Variants in USP11 observed in about 807,000 individuals in gnomAD.
The protein encoded by USP11 is ubiquitin specific peptidase 11, also known as ubiquitin carboxyl-terminal hydrolase 11.
USP11 carries 5 observed loss-of-function variants against 72.8 expected under a neutral mutation model. That is an observed-to-expected ratio of 0.07 (90% CI 0.04 to 0.14). The LOEUF (loss-of-function observed/expected upper bound fraction) is 0.14. USP11 is among the 10% of genes least tolerant of loss of function. The pLI is 1.00. For synonymous variants in USP11, 368 were observed against 326.5 expected, an observed-to-expected ratio of 1.13 and a Z score of -1.37; for missense variants, 480 against 794.7, an observed-to-expected ratio of 0.60 and a Z score of 4.76.
rs1426948196 is a variant in USP11, at chrX:47,248,248, G to C, written c.*318G>C. ...CGTGGGTGGTGATGGGGGTTCACCT[G>C]AACACAGAGTGTATTTTCTTATTGA... On this transcript the variant is annotated 3_prime_UTR_variant, in exon 21 of 21. Coordinates refer to ENST00000377107, the MANE Select transcript of USP11 (RefSeq NM_001371072.1). 3.7e-6 allele frequency: 1 copy of C among 267,906 alleles called. No individual in the cohort carries two copies. The highest frequency in any genetic ancestry group is 7.8e-5 in the East Asian group (1 of 12,839). The allele number at this position is 267,906 out of a possible 1,213,427, so 22.1% of individuals were successfully genotyped here. A position where few individuals can be genotyped will look rare whatever the true frequency, so the allele number is the denominator to read the frequency against.
chrX:47,239,983 G>A (rs1014230688), intron 4 of USP11, 76 bp downstream of exon 4: 19 of 1,030,014 alleles, frequency 1.8e-5, no homozygotes, highest in Non-Finnish European at 2.6e-5. Flanking sequence ...GTTGCATAGG[G>A]TTAAGCTGAA....
chrX:47,247,921 T>A lies in USP11; in HGVS notation c.2754T>A (p.Asp918Glu). 8.5e-7 allele frequency: 1 copy of A among 1,183,147 alleles called. No homozygotes were observed. Among genetic ancestry groups the A allele is most frequent in the East Asian group, 3.0e-5 (1 of 33,106 alleles). ...CSSPPSSEFM[D>E]VN ...CCCCACCCAGCTCTGAGTTCATGGATGTTAATTGAGAGCCCTGGGTCCTGC... is the reference window on the plus strand; with the variant it reads ...CCCCACCCAGCTCTGAGTTCATGGAAGTTAATTGAGAGCCCTGGGTCCTGC... The change falls in exon 21 of 21, where the codon GAT (aspartate) becomes GAA (glutamate). Residue 918 changes from aspartate (D) to glutamate (E), a missense_variant. Asp to Glu is a conservative substitution (Grantham distance 45). Coordinates refer to ENST00000377107, the MANE Select transcript of USP11 (RefSeq NM_001371072.1).
At position 47,241,676 on chromosome X, in the gene USP11, G is replaced by C; in HGVS notation, c.1156G>C (p.Asp386His). ...VKKKEYVELC[D>H]AAGRPDQEVA... The stretch of plus-strand genomic sequence containing the variant: ...GAAGAAGGAGTATGTGGAGCTGTGC[G>C]ATGCTGCTGGGCGACCGGATCAGGT... Residue 386 changes from aspartate (D) to histidine (H), a missense_variant, in exon 9 of 21, where the codon GAT becomes CAT. By Grantham distance (81) the Asp-to-His change is moderately conservative. Transcript: ENST00000377107. 1 of 1,201,087 alleles carries C rather than the reference G, an allele frequency of 8.3e-7. No individual in the cohort carries two copies. The highest frequency in any genetic ancestry group is 1.7e-5 in the African/African-American group (1 of 57,551).
chrX:47,234,011 G>T (rs2055359871), intron 1 of USP11: 1 of 111,769 alleles, frequency 8.9e-6, no homozygotes, highest in Non-Finnish European at 1.9e-5. Context: ...TTAAAAAATA[G>T]AATTTTGATA....
In USP11 at chrX:47,248,016, G is replaced by C; in HGVS notation, c.*86G>C. The C allele has an allele frequency of 9.1e-7, 1 of 1,098,921 alleles. No homozygotes were observed. The allele number at this position is 1,098,921 out of a possible 1,213,427, so 90.6% of individuals were successfully genotyped here. ...CGTGTCCGCCCCGCTTCTCTTATTCGTGTTAGGTGCCCCCGCCAGGCATTG... is the reference window on the plus strand; with the variant it reads ...CGTGTCCGCCCCGCTTCTCTTATTCCTGTTAGGTGCCCCCGCCAGGCATTG... On this transcript the variant is annotated 3_prime_UTR_variant, in exon 21 of 21. Coordinates refer to ENST00000377107, the MANE Select transcript of USP11 (RefSeq NM_001371072.1).
chrX:47,237,786 A>G (rs6521185), intron 1 of USP11, among the ~76,000 whole-genome samples: 5,048 of 38,338 alleles, frequency 0.13, 371 homozygotes, highest in African/African-American at 0.25. Context: ...GTGTGTGTGT[A>G]TGTGTGTGTG....
At chrX:47,244,396 A>G (rs2055420659) in intron 13 of USP11, 102 bp from the exon 14 acceptor site, 20 of 967,450 alleles carry the variant, frequency 2.1e-5, no homozygotes, top group Admixed American at 2.7e-5. Context: ...AACGGTTTAC[A>G]TGTGGATCTA....
chrX:47,234,081 A>G (rs1569233665), intron 1 of USP11, among the ~76,000 whole-genome samples: 1 of 111,748 alleles, frequency 8.9e-6, no homozygotes, highest in Non-Finnish European at 1.9e-5. Flanking sequence ...ACTGCTTCTG[A>G]GTTCATTTTA....
intron 1 of USP11, among the ~76,000 whole-genome samples, chrX:47,237,728 A>G (rs1362459288): frequency 9.1e-6 from 1 of 110,354 alleles, no homozygotes; most frequent in African/African-American, 3.3e-5. Context: ...GAGGCTGCTC[A>G]GTATTTGGGA....
At chrX:47,242,788 GCCTTAACCA>G in intron 12 of USP11, 68 bp downstream of exon 12, 1 of 853,314 alleles carries the variant, frequency 1.2e-6, no homozygotes, top group South Asian at 2.1e-5. Flanking sequence ...GTATGGTCCT[GCCTTAACCA>G]CCTTCTCTCT....
At chrX:47,233,440 G>C (rs946397674) in intron 1 of USP11, 4 of 1,065,792 alleles carry the variant, frequency 3.8e-6, no homozygotes, top group Non-Finnish European at 4.8e-6. Flanking sequence ...TGACGCCTGA[G>C]AACAAAATGG....
intron 17 of USP11, among the ~76,000 whole-genome samples, chrX:47,245,856 T>C (rs1313554524): frequency 9.0e-6 from 1 of 111,614 alleles, no homozygotes; most frequent in Non-Finnish European, 1.9e-5. Context: ...TATTTAGCTC[T>C]TTAAGTATAC....
rs938635731 is a variant in USP11 at position 47,245,105 on chromosome X, A to G, written c.2157+19A>G. 12 of 1,204,178 alleles carry G rather than the reference A, an allele frequency of 1.0e-5. No homozygotes were observed. In the South Asian group the frequency reaches 2.0e-4, roughly 20 times the overall value. Reference sequence around the variant, plus strand: ...GGCTGAGGTAAATGAGATCCCAGGGATGGGGGGTACTTCCAGCTCTTGCCC... The same window carrying G: ...GGCTGAGGTAAATGAGATCCCAGGGGTGGGGGGTACTTCCAGCTCTTGCCC... On this transcript the variant is annotated intron_variant, in intron 16 of 20. Transcript: ENST00000377107.
chrX:47,245,126 T>C (rs2055425340), intron 16 of USP11, 40 bp downstream of exon 16: 1 of 1,188,083 alleles, frequency 8.4e-7, no homozygotes, highest in Non-Finnish European at 1.1e-6. Flanking sequence ...TTCCAGCTCT[T>C]GCCCCTCAAC....
chrX:47,240,195 A>G, intron 4 of USP11, 110 bp from the exon 5 acceptor site: 1 of 1,034,692 alleles, frequency 9.7e-7, no homozygotes, highest in Non-Finnish European at 1.3e-6. Flanking sequence ...TTGAGGACAC[A>G]GGTATTGGCC....
chrX:47,244,909 C>T lies in USP11; in HGVS notation c.2071C>T (p.Pro691Ser), dbSNP rs150790639. The T allele has an allele frequency of 1.2e-5, 14 of 1,211,931 alleles. No homozygotes were observed. Among genetic ancestry groups the T allele is most frequent in the Non-Finnish European group, 1.6e-5 (14 of 895,496 alleles). Residue 691 changes from proline (P) to serine (S), a missense_variant, in exon 15 of 21, where the codon CCT becomes TCT. By Grantham distance (74) the Pro-to-Ser change is moderately conservative (BLOSUM62 -1). Around this residue, in one of 5 missense-constraint regions of USP11, gnomAD observed 314 missense variants for 556.0 expected, o/e 0.56. Coordinates refer to ENST00000377107, the MANE Select transcript of USP11 (RefSeq NM_001371072.1). ...TGGGACCAGCGACCGCACAACCTCC[C>T]CTGAAGAAGTCCATGGTATTTCCTT... ...SNGTSDRTTS[P>S]EEVHAQPYIA... is the part of the protein sequence containing the mutation.
At chrX:47,236,356 A>G (rs1039853127) in intron 1 of USP11, among the ~76,000 whole-genome samples, 2 of 112,318 alleles carry the variant, frequency 1.8e-5, no homozygotes, top group Admixed American at 9.4e-5. Flanking sequence ...AGTGGCCAGG[A>G]TATATGTGTT....
At chrX:47,241,137 A>G (rs1282564681) in intron 7 of USP11, 140 bp from the exon 8 acceptor site, 5 of 644,012 alleles carry the variant, frequency 7.8e-6, no homozygotes, top group Non-Finnish European at 1.1e-5. Flanking sequence ...TCTCTCCCCT[A>G]CTCTCCTGCT....
rs768509072 is a variant in USP11 at position 47,247,831 on chromosome X, C to T, written c.2664C>T (p.Asp888=). The change falls in exon 21 of 21, where the codon GAC becomes GAT. Residue 888 remains aspartate (D), a synonymous_variant. Coordinates refer to ENST00000377107, the MANE Select transcript of USP11 (RefSeq NM_001371072.1). ...AAYVLFYQRQ[D]VARRLLSPAG... ...ATGTCCTCTTCTACCAACGCCAGGACGTGGCGCGACGCCTGCTGTCCCCGG... is the reference window on the plus strand; with the variant it reads ...ATGTCCTCTTCTACCAACGCCAGGATGTGGCGCGACGCCTGCTGTCCCCGG... 25 of 1,204,875 alleles carry T rather than the reference C, an allele frequency of 2.1e-5. No individual in the cohort carries two copies. The Admixed American group carries it at 2.2e-4, about 11-fold the overall frequency.
Sources: gnomAD v4.1 joint callset for allele counts (sites outside exome capture counted in the v4.1 genomes callset) on GRCh38, gnomAD v4.1.1 for gene constraint, gnomAD v4.1.1 regional missense constraint, MANE v1.5 for transcripts, NCBI Gene and HGNC (gene_info 2026-07-23, HGNC 2026-07-21) for gene names.